Variants in SAE1 observed in about 807,000 individuals in gnomAD.
SAE1 encodes the protein SUMO-activating enzyme subunit 1.
In SAE1, 11 loss-of-function variants were observed where a neutral mutation model predicts 40.6. The observed-to-expected ratio is 0.27, with a 90% confidence interval of 0.17 to 0.45. The LOEUF (loss-of-function observed/expected upper bound fraction) is 0.45, where lower values mean the gene tolerates loss of function less well. Ranked by LOEUF, SAE1 falls within the 20% of genes least tolerant of loss-of-function variation. The pLI is 1.00. For missense variants in SAE1, 373 were observed against 427.3 expected, an observed-to-expected ratio of 0.87 and a Z score of 1.12; for synonymous variants, 155 against 154.3, an observed-to-expected ratio of 1.00 and a Z score of -0.03.
At chr19:47,189,281 GGCGCAGTGGCTCACGCCTGTAACCCCA>G (rs369464890) in intron 6 of SAE1, among the ~76,000 whole-genome samples, 90 of 152,150 alleles carry the variant, frequency 5.9e-4, no homozygotes, top group African/African-American at 2.0e-3. Flanking sequence ...CTGGGGGCTG[GGCGCAGTGGCTCACGCCTGTAACCCCA>G]GCGCTTTGGG....
chr19:47,202,434 C>T (rs551262733), intron 7 of SAE1, among the ~76,000 whole-genome samples: 7 of 151,934 alleles, frequency 4.6e-5, no homozygotes, highest in African/African-American at 1.7e-4. Context: ...ACTACAGGCT[C>T]ACCCCACCAC....
intron 4 of SAE1, among the ~76,000 whole-genome samples, chr19:47,154,479 G>GTTTTTTTTTTTTTTTTTTTTTTTTTT (rs1568590968): frequency 1.1e-5 from 1 of 91,706 alleles, no homozygotes; most frequent in African/African-American, 3.9e-5. Flanking sequence ...ATTAAGTTTG[G>GTTTTTTTTTTTTTTTTTTTTTTTTTT]CTTTTTTTTT....
Position 47,179,170 on chromosome 19 carries a change from C to A in SAE1, c.733+9247C>A, listed in dbSNP as rs540493768. Among the ~76,000 whole-genome samples, 4 of 131,898 alleles carry A rather than the reference C, an allele frequency of 3.0e-5. No homozygotes were observed. In the Admixed American group the frequency reaches 3.3e-4, roughly 11 times the overall value. The allele number at this position is 131,898 out of a possible 152,430, so 86.5% of individuals were successfully genotyped here. ...TCTCACCACTGCACTCCAGCATGGGCGACAGAACAAGGCTCTGTCTCCAAA... is the reference window on the plus strand; with the variant it reads ...TCTCACCACTGCACTCCAGCATGGGAGACAGAACAAGGCTCTGTCTCCAAA... On this transcript the variant is annotated intron_variant, in intron 6 of 8. Coordinates refer to ENST00000270225, the MANE Select transcript of SAE1 (RefSeq NM_005500.3).
At chr19:47,189,839 ATAATAGT>A (rs1388548675) in intron 6 of SAE1, among the ~76,000 whole-genome samples, 1 of 152,322 alleles carries the variant, frequency 6.6e-6, no homozygotes, top group African/African-American at 2.4e-5. Context: ...AGATTTAGGC[ATAATAGT>A]TAAATGTAAT....
At chr19:47,131,387 G>A (rs1001057279) in intron 1 of SAE1, among the ~76,000 whole-genome samples, 1 of 152,062 alleles carries the variant, frequency 6.6e-6, no homozygotes, top group Non-Finnish European at 1.5e-5. Context: ...AGGGTGAGGT[G>A]AGGGACGCAG....
chr19:47,174,148 C>G (rs1318708547), intron 6 of SAE1, among the ~76,000 whole-genome samples: 1 of 152,044 alleles, frequency 6.6e-6, no homozygotes, highest in Non-Finnish European at 1.5e-5. Context: ...GCCTATGACC[C>G]TTTGCTGGAT....
chr19:47,131,697 CTTTTTT>C (rs554165710), intron 1 of SAE1, among the ~76,000 whole-genome samples: 5 of 84,142 alleles, frequency 5.9e-5, no homozygotes, highest in Non-Finnish European at 6.8e-5. Context: ...TTAGGGAATT[CTTTTTT>C]TTTTTTTTTT....
chr19:47,160,882 G>A (rs1269599982), intron 5 of SAE1, among the ~76,000 whole-genome samples: 1 of 152,144 alleles, frequency 6.6e-6, no homozygotes, highest in African/African-American at 2.4e-5. Context: ...GTGGAAATAG[G>A]GCAACGAGGG....
chr19:47,172,059 C>T (rs1438011644), intron 6 of SAE1, among the ~76,000 whole-genome samples: 1 of 151,862 alleles, frequency 6.6e-6, no homozygotes, highest in Non-Finnish European at 1.5e-5. Flanking sequence ...GCTGGGATTA[C>T]AGGTGCCCAC....
intron 5 of SAE1, among the ~76,000 whole-genome samples, chr19:47,159,345 C>T (rs996458090): frequency 6.6e-6 from 1 of 152,022 alleles, no homozygotes; most frequent in Non-Finnish European, 1.5e-5. Flanking sequence ...CATGTGGTAC[C>T]TTGGTTTCCA....
intron 3 of SAE1, among the ~76,000 whole-genome samples, chr19:47,151,602 A>G (rs1467452502): frequency 6.6e-6 from 1 of 151,834 alleles, no homozygotes; most frequent in African/African-American, 2.4e-5. Context: ...TCCCGTTTTT[A>G]CACTTTTCTA....
chr19:47,160,079 C>G (rs1329765481), intron 5 of SAE1, among the ~76,000 whole-genome samples: 1 of 152,074 alleles, frequency 6.6e-6, no homozygotes, highest in African/African-American at 2.4e-5. Flanking sequence ...TTAATTCTCA[C>G]GGTTTAGGTT....
intron 6 of SAE1, among the ~76,000 whole-genome samples, chr19:47,184,423 T>A (rs1287759097): frequency 6.6e-6 from 1 of 152,118 alleles, no homozygotes; most frequent in African/African-American, 2.4e-5. Context: ...TGTTTGTTTG[T>A]TTTTTAGATG....
intron 8 of SAE1, among the ~76,000 whole-genome samples, chr19:47,205,460 C>T (rs1462806553): frequency 1.3e-5 from 2 of 151,836 alleles, no homozygotes; most frequent in Non-Finnish European, 2.9e-5. Flanking sequence ...AATGGCCATA[C>T]CTCTTTCCTT....
rs1226396292 is a variant in SAE1 at position 47,143,524 on chromosome 19, C to T, written c.129C>T (p.Gly43=). The T allele has an allele frequency of 6.2e-7, 1 of 1,614,112 alleles. No homozygotes were observed. The highest frequency in any genetic ancestry group is 1.1e-5 in the South Asian group (1 of 91,086). ...GGGCCTCTCGGGTGCTTCTTGTCGG[C>T]TTGAAAGGACTTGGGGCTGAAATTG... The part of the protein sequence containing the change: ...RLRASRVLLV[G]LKGLGAEIAK... The change falls in exon 2 of 9, where the codon GGC becomes GGT. Residue 43 remains glycine (G), a synonymous_variant. Transcript: ENST00000270225.
At chr19:47,201,341 C>T (rs925756977) in intron 7 of SAE1, among the ~76,000 whole-genome samples, 4 of 138,366 alleles carry the variant, frequency 2.9e-5, no homozygotes, top group African/African-American at 1.1e-4. Flanking sequence ...GCCACTGCAC[C>T]TGGCCTGTTA....
At chr19:47,174,299 C>CTTTTTTTTTTTTTTTTTT (rs766044817) in intron 6 of SAE1, among the ~76,000 whole-genome samples, 2 of 130,274 alleles carry the variant, frequency 1.5e-5, no homozygotes, top group Non-Finnish European at 3.3e-5. Flanking sequence ...TTTTCTTTTT[C>CTTTTTTTTTTTTTTTTTT]TTTTTTTTTT....
intron 6 of SAE1, among the ~76,000 whole-genome samples, chr19:47,171,532 A>G (rs928469258): frequency 6.6e-6 from 1 of 151,764 alleles, no homozygotes; most frequent in Non-Finnish European, 1.5e-5. Flanking sequence ...GCTCACTGCA[A>G]CCTCCACCTC....
intron 8 of SAE1, among the ~76,000 whole-genome samples, chr19:47,207,627 G>A (rs1279025047): frequency 6.6e-6 from 1 of 152,052 alleles, no homozygotes; most frequent in Non-Finnish European, 1.5e-5. Flanking sequence ...AAAAGACAGG[G>A]CCACGTGCTC....
Sources: allele counts gnomAD v4.1 joint callset (sites outside exome capture counted in the v4.1 genomes callset), GRCh38; gene constraint gnomAD v4.1.1; transcripts MANE v1.5; gene names NCBI Gene and HGNC (gene_info 2026-07-23, HGNC 2026-07-21).